Variants in SNX29 observed in about 807,000 individuals in gnomAD.
SNX29 encodes sorting nexin 29, also known as sorting nexin-29.
A neutral mutation model predicts 102.1 loss-of-function variants in SNX29; 78 were observed. That is an observed-to-expected ratio of 0.76 (90% CI 0.64 to 0.92). SNX29 has a LOEUF of 0.92. Ranked by LOEUF, SNX29 falls within the 40% of genes least tolerant of loss-of-function variation. The pLI, the probability that SNX29 is intolerant of heterozygous loss-of-function variation, is 0.00. For missense variants in SNX29, 1,280 were observed against 1,061.7 expected (o/e 1.21, Z -2.86); for synonymous variants, 580 against 414.5 (o/e 1.40, Z -4.85).
intron 4 of SNX29, among the ~76,000 whole-genome samples, chr16:12,039,172 C>A (rs192926428): frequency 6.6e-6 from 1 of 152,228 alleles, no homozygotes; most frequent in Admixed American, 6.5e-5. Flanking sequence ...AAGGAACCCA[C>A]GCGAATGCCC....
chr16:12,251,132 G>C (rs2078408658), intron 14 of SNX29, among the ~76,000 whole-genome samples: 1 of 152,222 alleles, frequency 6.6e-6, no homozygotes, highest in African/African-American at 2.4e-5. Context: ...TTGGGGTCTT[G>C]ACTGTGCCAT....
At chr16:12,528,000 T>A (rs1267186771) in intron 20 of SNX29, among the ~76,000 whole-genome samples, 3 of 151,162 alleles carry the variant, frequency 2.0e-5, no homozygotes, top group Non-Finnish European at 4.4e-5. Flanking sequence ...ATTTTTTTTT[T>A]ATTTTTAGTA....
chr16:12,506,359 G>A (rs550234552), intron 19 of SNX29, among the ~76,000 whole-genome samples: 1 of 152,330 alleles, frequency 6.6e-6, no homozygotes, highest in Non-Finnish European at 1.5e-5. Context: ...TAACTGGAGG[G>A]CGGAGTACTC....
Position 12,570,742 on chromosome 16 carries a change from G to A in SNX29, c.*2113G>A, listed in dbSNP as rs538931740. ...ATTGGTCTCTCTCCAGATACCCCAC[G>A]AGGAAGCACCTTGGACATTCTGCAC... is the stretch of plus-strand genomic sequence containing the variant. On this transcript the variant is annotated 3_prime_UTR_variant, in exon 21 of 21. Transcript: ENST00000566228. The A allele has an allele frequency of 7.3e-5, 17 of 232,052 alleles. No individual in the cohort carries two copies. Among genetic ancestry groups the A allele is most frequent in the South Asian group, 5.5e-4 (3 of 5,496 alleles). The allele number at this position is 232,052 out of a possible 1,614,324, so 14.4% of individuals were successfully genotyped here.
chr16:12,559,518 G>T (rs956394370), intron 20 of SNX29, among the ~76,000 whole-genome samples: 1 of 151,848 alleles, frequency 6.6e-6, no homozygotes, highest in Admixed American at 6.6e-5. Flanking sequence ...AACACACTTT[G>T]TATCTCAAAA....
rs144921407 is a variant in SNX29 at position 12,572,567 on chromosome 16, G to A, written c.*3938G>A. ...ACACCATCTGGCTCCTCACAGGGAG[G>A]TCCAGCCATGTTCTCTGGGCTCCCA... On this transcript the variant is annotated 3_prime_UTR_variant, in exon 21 of 21. Coordinates refer to ENST00000566228, the MANE Select transcript of SNX29 (RefSeq NM_032167.5). 1.6e-4 allele frequency: 165 copies of A among 1,064,048 alleles called. 1 individual carries two copies. The African/African-American group carries it at 2.4e-3, about 15-fold the overall frequency. The allele number at this position is 1,064,048 out of a possible 1,614,324, so 65.9% of individuals were successfully genotyped here.
chr16:12,567,214 C>T (rs1353761986), intron 20 of SNX29, among the ~76,000 whole-genome samples: 2 of 152,074 alleles, frequency 1.3e-5, no homozygotes, highest in Non-Finnish European at 2.9e-5. Flanking sequence ...CCTTTCTAAA[C>T]CACAGATAAG....
intron 3 of SNX29, among the ~76,000 whole-genome samples, chr16:12,015,932 T>C (rs1247338558): frequency 6.6e-6 from 1 of 151,534 alleles, no homozygotes; most frequent in Non-Finnish European, 1.5e-5. Flanking sequence ...TGGTGCAATC[T>C]TGGCTCACTG....
At chr16:12,107,783 G>A (rs558440356) in intron 11 of SNX29, among the ~76,000 whole-genome samples, 1 of 152,170 alleles carries the variant, frequency 6.6e-6, no homozygotes, top group Admixed American at 6.5e-5. Context: ...TTCATTCTCA[G>A]ACATCCTCCC....
intron 20 of SNX29, among the ~76,000 whole-genome samples, chr16:12,545,834 G>T (rs977458366): frequency 1.3e-5 from 2 of 152,120 alleles, no homozygotes; most frequent in Admixed American, 1.3e-4. Flanking sequence ...ACCTGTGGGG[G>T]AGGGGAGCAG....
chr16:12,429,170 C>T (rs138644936), intron 18 of SNX29, among the ~76,000 whole-genome samples: 3 of 152,332 alleles, frequency 2.0e-5, no homozygotes, highest in South Asian at 2.1e-4. Flanking sequence ...ATATCTCTTC[C>T]TAGTTAGTCC....
intron 13 of SNX29, among the ~76,000 whole-genome samples, chr16:12,150,722 G>A (rs954541555): frequency 6.6e-6 from 1 of 152,240 alleles, no homozygotes; most frequent in Non-Finnish European, 1.5e-5. Flanking sequence ...CCCCAAGTCC[G>A]TGAGGAGGAA....
At chr16:12,479,214 A>C (rs1426049994) in intron 19 of SNX29, among the ~76,000 whole-genome samples, 1 of 152,208 alleles carries the variant, frequency 6.6e-6, no homozygotes, top group African/African-American at 2.4e-5. Context: ...AGGAAGTATG[A>C]GGACTGCCGT....
chr16:12,193,723 G>C (rs1308842421), intron 13 of SNX29, among the ~76,000 whole-genome samples: 1 of 152,084 alleles, frequency 6.6e-6, no homozygotes, highest in Non-Finnish European at 1.5e-5. Context: ...TGAATGTCTT[G>C]TTGTTCCAAA....
chr16:12,019,052 C>G (rs1157158216), intron 3 of SNX29, among the ~76,000 whole-genome samples: 1 of 151,946 alleles, frequency 6.6e-6, no homozygotes, highest in African/African-American at 2.4e-5. Flanking sequence ...ATGATTTTTC[C>G]TCACCATAAC....
intron 11 of SNX29, among the ~76,000 whole-genome samples, chr16:12,114,151 G>A (rs2053602748): frequency 6.6e-6 from 1 of 152,204 alleles, no homozygotes; most frequent in South Asian, 2.1e-4. Context: ...CATAGCATAT[G>A]AGCTGTGACT....
chr16:12,560,792 C>G (rs1010962867), intron 20 of SNX29: 6 of 177,292 alleles, frequency 3.4e-5, no homozygotes, highest in African/African-American at 4.7e-5. Flanking sequence ...TTTCCATGCC[C>G]TTAAGATTAG....
intron 10 of SNX29, 58 bp downstream of exon 10, chr16:12,069,190 C>T (rs1158254992): frequency 7.0e-7 from 1 of 1,430,400 alleles, no homozygotes; most frequent in East Asian, 2.3e-5. Context: ...CACAGCTGTG[C>T]ATTTTATTCT....
intron 9 of SNX29, 77 bp from the exon 10 acceptor site, chr16:12,068,978 GTC>G: frequency 7.3e-7 from 1 of 1,363,510 alleles, no homozygotes; most frequent in Non-Finnish European, 1.0e-6. Context: ...ATGAGCCAAT[GTC>G]TGCATTGTGT....
Sources: gnomAD v4.1 joint callset for allele counts (sites outside exome capture counted in the v4.1 genomes callset) on GRCh38, gnomAD v4.1.1 for gene constraint, MANE v1.5 for transcripts, NCBI Gene and HGNC (gene_info 2026-07-23, HGNC 2026-07-21) for gene names.